The following TRIM9 variants were observed in gnomAD, a reference collection of about 807,000 sequenced individuals.
TRIM9 encodes tripartite motif containing 9, also known as E3 ubiquitin-protein ligase TRIM9.
A neutral mutation model predicts 78.3 loss-of-function variants in TRIM9; 26 were observed. That is an observed-to-expected ratio of 0.33 (90% CI 0.24 to 0.46). The LOEUF (loss-of-function observed/expected upper bound fraction) is 0.46. Among genes scored for constraint, TRIM9 ranks in the 20% least tolerant of loss-of-function variants. TRIM9 has a pLI of 1.00. For missense variants in TRIM9, 787 were observed against 1,036.4 expected, an observed-to-expected ratio of 0.76 and a Z score of 3.30; for synonymous variants, 398 against 416.5, an observed-to-expected ratio of 0.96 and a Z score of 0.54.
chr14:51,072,714 T>C (rs2062403423), intron 1 of TRIM9, among the ~76,000 whole-genome samples: 1 of 152,200 alleles, frequency 6.6e-6, no homozygotes, highest in Non-Finnish European at 1.5e-5. Flanking sequence ...TAAGAAAGAA[T>C]TGTTCTCTTT....
At chr14:51,029,579 C>T (rs1193327283) in intron 1 of TRIM9, among the ~76,000 whole-genome samples, 2 of 152,300 alleles carry the variant, frequency 1.3e-5, no homozygotes, top group Non-Finnish European at 2.9e-5. Flanking sequence ...AGCAATTACC[C>T]ATTGCCGGTT....
intron 7 of TRIM9, among the ~76,000 whole-genome samples, chr14:50,990,094 T>G (rs1396839583): frequency 1.3e-5 from 2 of 152,198 alleles, no homozygotes; most frequent in Non-Finnish European, 2.9e-5. Flanking sequence ...CATAGCTCAC[T>G]GCAGCCTTGA....
chr14:51,069,536 C>T (rs867507677), intron 1 of TRIM9, among the ~76,000 whole-genome samples: 5 of 152,212 alleles, frequency 3.3e-5, no homozygotes, highest in Admixed American at 6.5e-5. Flanking sequence ...CTAGGCTGCA[C>T]TGAGAAACTG....
At chr14:51,083,431 A>AAT (rs1555350335) in intron 1 of TRIM9, among the ~76,000 whole-genome samples, 2 of 150,184 alleles carry the variant, frequency 1.3e-5, no homozygotes, top group South Asian at 2.1e-4. Context: ...ATTAAAAAAA[A>AAT]TTTTTTTTTT....
In TRIM9 at chr14:51,025,262, T is replaced by A. The variant is rs1184392859; in HGVS notation, c.918+3A>T. 1 of 1,614,114 alleles carries A rather than the reference T, an allele frequency of 6.2e-7. No homozygotes were observed. Among genetic ancestry groups the A allele is most frequent in the Non-Finnish European group, 8.5e-7 (1 of 1,179,956 alleles). On this transcript the variant is annotated splice_donor_region_variant and intron_variant, in intron 2 of 12. Coordinates refer to ENST00000684578, the MANE Select transcript of TRIM9 (RefSeq NM_001387360.1). ...TTCCTTGCGTCCCAGGTAACACCCA[T>A]ACCTGGATCTGCTGGACCATGTTGC...
intron 1 of TRIM9, among the ~76,000 whole-genome samples, chr14:51,083,519 A>C (rs2063496512): frequency 1.3e-5 from 2 of 152,182 alleles, no homozygotes; most frequent in Non-Finnish European, 2.9e-5. Flanking sequence ...CTGTGATTAC[A>C]GGTGTGAGGT....
intron 1 of TRIM9, among the ~76,000 whole-genome samples, chr14:51,051,784 T>G (rs535512771): frequency 6.6e-6 from 1 of 151,990 alleles, no homozygotes; most frequent in East Asian, 1.9e-4. Flanking sequence ...CTGGCCAACA[T>G]AGTGAAACCC....
intron 1 of TRIM9, among the ~76,000 whole-genome samples, chr14:51,039,855 TC>T (rs2059443874): frequency 6.6e-6 from 1 of 152,042 alleles, no homozygotes; most frequent in African/African-American, 2.4e-5. Flanking sequence ...CACACCATTC[TC>T]CTGCCTTAGC....
Position 51,022,874 on chromosome 14 carries a change from C to G in TRIM9, c.1002G>C (p.Leu334=). 6.2e-7 allele frequency: 1 copy of G among 1,614,172 alleles called. No individual in the cohort carries two copies. Among genetic ancestry groups the G allele is most frequent in the Non-Finnish European group, 8.5e-7 (1 of 1,180,024 alleles). The change falls in exon 3 of 13, where the codon CTG becomes CTC. Residue 334 remains leucine, a synonymous_variant. Transcript: ENST00000684578. ...IDALNRRKAQ[L]LARVNKEHEH... Reference sequence around the variant, plus strand: ...CATGCTCCTTGTTGACGCGGGCCAGCAGCTGGGCTTTTCTTCTGTTGAGGG... The same window carrying G: ...CATGCTCCTTGTTGACGCGGGCCAGGAGCTGGGCTTTTCTTCTGTTGAGGG...
rs927328006 is a variant in TRIM9 at position 51,094,604 on chromosome 14, G to A, written c.336C>T (p.His112=). ...GCACCGGGGCCAGGGCCGGTGACAA[G>A]TGGGTGGCCGGTGGCGGCATAGCCG... The part of the protein sequence containing the change: ...FPPAMPPPAT[H]LSPALAPVPR... The change falls in exon 1 of 13, where the codon CAC becomes CAT. Residue 112 remains histidine (H), a synonymous_variant. Coordinates refer to ENST00000684578, the MANE Select transcript of TRIM9 (RefSeq NM_001387360.1). 5 of 1,609,516 alleles carry A rather than the reference G, an allele frequency of 3.1e-6. No individual in the cohort carries two copies. The highest frequency in any genetic ancestry group is 4.2e-6 in the Non-Finnish European group (5 of 1,177,500).
chr14:50,993,805 C>T (rs773531886), intron 7 of TRIM9, among the ~76,000 whole-genome samples: 1 of 152,198 alleles, frequency 6.6e-6, no homozygotes, highest in African/African-American at 2.4e-5. Context: ...GTTAGCACCA[C>T]AGCGGACTGT....
intron 3 of TRIM9, among the ~76,000 whole-genome samples, chr14:51,015,043 G>A (rs138307198): frequency 1.6e-4 from 24 of 152,270 alleles, no homozygotes; most frequent in East Asian, 1.4e-3. Context: ...TTTTATCAGC[G>A]GAGCCACCAT....
chr14:51,025,186 A>C, intron 2 of TRIM9, 79 bp downstream of exon 2: 1 of 1,274,010 alleles, frequency 7.8e-7, no homozygotes, highest in African/African-American at 1.5e-5. Flanking sequence ...ATAAAAATAA[A>C]AGAGGAGAAG....
At chr14:51,000,342 TATC>T (rs2054811104) in intron 6 of TRIM9, among the ~76,000 whole-genome samples, 1 of 152,366 alleles carries the variant, frequency 6.6e-6, no homozygotes, top group South Asian at 2.1e-4. Context: ...ACGCTATTGT[TATC>T]ATCCCTCTAG....
At chr14:51,081,924 GT>G (rs2063340590) in intron 1 of TRIM9, among the ~76,000 whole-genome samples, 1 of 152,130 alleles carries the variant, frequency 6.6e-6, no homozygotes, top group Non-Finnish European at 1.5e-5. Flanking sequence ...TCCAAATCTT[GT>G]TGTTCAAGAG....
intron 5 of TRIM9, among the ~76,000 whole-genome samples, chr14:51,004,257 A>G (rs1210911653): frequency 6.6e-6 from 1 of 152,204 alleles, no homozygotes; most frequent in Non-Finnish European, 1.5e-5. Flanking sequence ...TTTAGGCTAA[A>G]AATTCTTCTC....
intron 8 of TRIM9, among the ~76,000 whole-genome samples, chr14:50,985,107 G>C (rs914046897): frequency 6.6e-6 from 1 of 152,158 alleles, no homozygotes; most frequent in Admixed American, 6.5e-5. Flanking sequence ...ATATAGTCCT[G>C]AAGAGATCAA....
At chr14:51,018,599 C>G (rs779078594) in intron 3 of TRIM9, among the ~76,000 whole-genome samples, 1 of 152,092 alleles carries the variant, frequency 6.6e-6, no homozygotes, top group Non-Finnish European at 1.5e-5. Context: ...ATTATTCTAA[C>G]AAAACTCATA....
Position 50,976,722 on chromosome 14 carries a change from TA to T in TRIM9, c.*568del, listed in dbSNP as rs1478800318. The stretch of plus-strand genomic sequence containing the variant: ...GATATTTTTGTGCTTCAATGAGTAG[TA>T]AAACTTCTCAGTGATAGATTCATTC... On this transcript the variant is annotated 3_prime_UTR_variant, in exon 13 of 13. Coordinates refer to ENST00000684578, the MANE Select transcript of TRIM9 (RefSeq NM_001387360.1). The T allele has an allele frequency of 6.6e-6, 1 of 152,596 alleles. No homozygotes were observed. Among genetic ancestry groups the T allele is most frequent in the Non-Finnish European group, 1.5e-5 (1 of 68,034 alleles). 9.5% of individuals were successfully genotyped at this position (152,596 alleles called of 1,614,324 possible).
Sources: allele counts gnomAD v4.1 joint callset (sites outside exome capture counted in the v4.1 genomes callset), GRCh38; gene constraint gnomAD v4.1.1; transcripts MANE v1.5; gene names NCBI Gene and HGNC (gene_info 2026-07-23, HGNC 2026-07-21).